NKX2-2: variants seen among roughly 807,000 people sequenced by gnomAD.
NKX2-2 encodes NK2 homeobox 2, also known as homeobox protein Nkx-2.2.
NKX2-2 carries 8 observed loss-of-function variants against 24.6 expected under a neutral mutation model. The observed-to-expected ratio is 0.32, with a 90% CI of 0.19 to 0.59. The LOEUF is 0.59. Among genes scored for constraint, NKX2-2 ranks in the 20% least tolerant of loss-of-function variants. NKX2-2 has a pLI of 0.86. For synonymous variants in NKX2-2, 217 were observed against 173.3 expected (o/e 1.25, Z -1.98); for missense variants, 381 against 373.9 (o/e 1.02, Z -0.16).
chr20:21,516,435 G>T (rs1340057299), upstream of NKX2-2, among the ~76,000 whole-genome samples: 3 of 142,448 alleles, frequency 2.1e-5, no homozygotes, highest in Admixed American at 7.3e-5. Flanking sequence ...CTTTCTCAGC[G>T]CCCCCCCTCC....
At chr20:21,518,196 C>A (rs562078549), upstream of NKX2-2, among the ~76,000 whole-genome samples, 7 of 152,178 alleles carry the variant, frequency 4.6e-5, no homozygotes, top group South Asian at 4.2e-4. Flanking sequence ...ATGCCCCGGG[C>A]CGGAGGAGAT....
At chr20:21,521,453 CCA>C in the NKX2-2 span, among the ~76,000 whole-genome samples, 177 of 152,298 alleles carry the variant, frequency 1.2e-3, 1 homozygote, top group African/African-American at 3.9e-3. Flanking sequence ...CTCCCAAACT[CCA>C]GTCTTCAGTC....
chr20:21,512,472 A>G lies in NKX2-2; in HGVS notation c.273T>C (p.Ala91=), dbSNP rs1262217897. The G allele has an allele frequency of 6.4e-7, 1 of 1,573,398 alleles. No homozygotes were observed. Among genetic ancestry groups the G allele is most frequent in the East Asian group, 2.3e-5 (1 of 44,132 alleles). The change falls in exon 2 of 2, where the codon GCT becomes GCC. Residue 91 remains alanine, a synonymous_variant. Transcript: ENST00000377142. ...TTGAGTCCTGAGGGGGCGCCCCGGC[A>G]GCCAGACCGTGCACTGGGGGGAGGG... ...EGLQYSLHGL[A]AGAPPQDSSS... is the part of the protein sequence containing the mutation.
chr20:21,513,359 G>A lies in NKX2-2; in HGVS notation c.259+52C>T. ...CTCCCAGCGTCCAACCCGGGCTGCG[G>A]CTGCAGGAATGGAGGGGACCACGGC... On this transcript the variant is annotated intron_variant, in intron 1 of 1. Coordinates refer to ENST00000377142, the MANE Select transcript of NKX2-2 (RefSeq NM_002509.4). This position sits in a 1 kb window ranked among gnomAD's most constrained non-coding sequence, Gnocchi z 4.6. 1 of 1,479,392 alleles carries A rather than the reference G, an allele frequency of 6.8e-7. No homozygotes were observed. The highest frequency in any genetic ancestry group is 1.5e-5 in the South Asian group (1 of 68,358). 91.6% of individuals were successfully genotyped at this position (1,479,392 alleles called of 1,614,324 possible).
At position 21,511,291 on chromosome 20, in the gene NKX2-2, C is replaced by G. The variant is rs1052877500; in HGVS notation, c.*632G>C. 6.9e-5 allele frequency: 8 copies of G among 116,458 alleles called. No individual in the cohort carries two copies. Among genetic ancestry groups the G allele is most frequent in the African/African-American group, 2.8e-4 (8 of 28,176 alleles). 7.2% of individuals were successfully genotyped at this position (116,458 alleles called of 1,614,324 possible). ...ACAAAAAACAAACCCAAACAAGCCACAAAGAAAGGAGTTGGACCCAGACGG... is the reference window on the plus strand; with the variant it reads ...ACAAAAAACAAACCCAAACAAGCCAGAAAGAAAGGAGTTGGACCCAGACGG... On this transcript the variant is annotated 3_prime_UTR_variant, in exon 2 of 2. Transcript: ENST00000377142.
At chr20:21,516,004 T>C (rs1002257842), upstream of NKX2-2, among the ~76,000 whole-genome samples, 3 of 152,106 alleles carry the variant, frequency 2.0e-5, no homozygotes, top group African/African-American at 7.2e-5. Flanking sequence ...TACAAACCGA[T>C]TGCTAAGCTG....
upstream of NKX2-2, among the ~76,000 whole-genome samples, chr20:21,518,673 G>T (rs1310585876): frequency 1.3e-5 from 2 of 152,222 alleles, no homozygotes; most frequent in East Asian, 1.9e-4. Flanking sequence ...TCCAGGGCAC[G>T]GGGGCCGCCC....
chr20:21,516,852 G>A (rs938292800), upstream of NKX2-2, among the ~76,000 whole-genome samples: 12 of 152,168 alleles, frequency 7.9e-5, no homozygotes, highest in African/African-American at 2.7e-4. Flanking sequence ...GCCTCCCAAA[G>A]CGTGTTCATT....
upstream of NKX2-2, among the ~76,000 whole-genome samples, chr20:21,517,695 G>A (rs140281475): frequency 3.4e-3 from 515 of 152,304 alleles, 4 homozygotes; most frequent in African/African-American, 0.012. Flanking sequence ...TCAATTTCTT[G>A]GGCCCGGCTT....
chr20:21,522,533 T>C, the NKX2-2 span, among the ~76,000 whole-genome samples: 1 of 152,066 alleles, frequency 6.6e-6, no homozygotes, highest in Admixed American at 6.5e-5. Flanking sequence ...CATCCCGCGT[T>C]CACCGGAAAC....
chr20:21,515,953 C>G (rs941694758), upstream of NKX2-2, among the ~76,000 whole-genome samples: 2 of 152,200 alleles, frequency 1.3e-5, no homozygotes, highest in Non-Finnish European at 2.9e-5. Context: ...GCAAGCCCCT[C>G]GTCGGCGCGT....
At chr20:21,514,349 G>A (rs73127859), upstream of NKX2-2, among the ~76,000 whole-genome samples, 16,040 of 152,056 alleles carry the variant, frequency 0.11, 1,105 homozygotes, top group Non-Finnish European at 0.14. Context: ...CGGCCCTCTA[G>A]AGCAAGATGA....
Position 21,511,972 on chromosome 20 carries a change from T to TG in NKX2-2, c.772dup (p.Gln258ProfsTer52). On this transcript the variant is annotated frameshift_variant, in exon 2 of 2. Transcript: ENST00000377142. LOFTEE classifies it high-confidence loss of function. The stretch of plus-strand genomic sequence containing the variant: ...GACCAGGGGGTGTGCTGTCGGGTAC[T>TG]GGGGGGTGCTGGCCGAGCTGTACTG... 6.2e-7 allele frequency: 1 copy of TG among 1,610,380 alleles called. No individual in the cohort carries two copies. The highest frequency in any genetic ancestry group is 8.5e-7 in the Non-Finnish European group (1 of 1,179,172).
At chr20:21,515,957 G>A (rs1022319719), upstream of NKX2-2, among the ~76,000 whole-genome samples, 3 of 152,196 alleles carry the variant, frequency 2.0e-5, no homozygotes, top group Non-Finnish European at 4.4e-5. Flanking sequence ...GCCCCTCGTC[G>A]GCGCGTCCTG....
rs559692349 is a variant in NKX2-2 at position 21,513,251 on chromosome 20, G to C, written c.259+160C>G. The stretch of plus-strand genomic sequence containing the variant: ...CTAAGGAGGCTTGAAGAGGAGGGCA[G>C]AGGACATCCTATACAGGTGTTAAAA... On this transcript the variant is annotated intron_variant, in intron 1 of 1. Coordinates refer to ENST00000377142, the MANE Select transcript of NKX2-2 (RefSeq NM_002509.4). The surrounding 1 kb of genome is among the most constrained non-coding windows in gnomAD (Gnocchi z 4.6). Among the ~76,000 whole-genome samples, 5 of 152,364 alleles carry C rather than the reference G, an allele frequency of 3.3e-5. No homozygotes were observed. Among genetic ancestry groups the C allele is most frequent in the Admixed American group, 3.3e-4 (5 of 15,310 alleles).
the NKX2-2 span, among the ~76,000 whole-genome samples, chr20:21,521,100 C>T: frequency 6.6e-6 from 1 of 151,790 alleles, no homozygotes; most frequent in Non-Finnish European, 1.5e-5. Flanking sequence ...AGGGCTGGTT[C>T]CGGGAAGGAC....
upstream of NKX2-2, among the ~76,000 whole-genome samples, chr20:21,514,658 G>A (rs1980572126): frequency 6.6e-6 from 1 of 152,218 alleles, no homozygotes; most frequent in Non-Finnish European, 1.5e-5. Context: ...TGGAAAAGGG[G>A]GAGGGGGCGA....
At chr20:21,518,957 G>A (rs1429074141), upstream of NKX2-2, among the ~76,000 whole-genome samples, 1 of 152,172 alleles carries the variant, frequency 6.6e-6, no homozygotes, top group Non-Finnish European at 1.5e-5. Flanking sequence ...GGTGGTGAAA[G>A]CTTGCAGTGC....
At chr20:21,519,671 AG>A in the NKX2-2 span, among the ~76,000 whole-genome samples, 12 of 152,364 alleles carry the variant, frequency 7.9e-5, no homozygotes, top group South Asian at 4.1e-4. Context: ...TGAAAGAAAT[AG>A]GGGAATGCAC....
Sources: allele counts gnomAD v4.1 joint callset (sites outside exome capture counted in the v4.1 genomes callset), GRCh38; gene constraint gnomAD v4.1.1; non-coding constraint Gnocchi (gnomAD v3.1); transcripts MANE v1.5; gene names NCBI Gene and HGNC (gene_info 2026-07-23, HGNC 2026-07-21).